COG5: variants seen among roughly 807,000 people sequenced by gnomAD.
The protein encoded by COG5 is component of oligomeric golgi complex 5.
In COG5, 86 loss-of-function variants were observed where a neutral mutation model predicts 110.4. That is an observed-to-expected ratio of 0.78 (90% CI 0.65 to 0.93). The LOEUF is 0.93. COG5 is among the 40% of genes least tolerant of loss of function. The pLI, the probability that COG5 is intolerant of heterozygous loss-of-function variation, is 0.00. For synonymous variants in COG5, 360 were observed against 334.6 expected (o/e 1.08, Z -0.83); for missense variants, 1,077 against 987.0 (o/e 1.09, Z -1.22).
At chr7:107,417,397 G>A (rs1026495593) in intron 6 of COG5, among the ~76,000 whole-genome samples, 14 of 151,872 alleles carry the variant, frequency 9.2e-5, no homozygotes, top group East Asian at 7.7e-4. Context: ...ACCCTAAGAC[G>A]GTCCTTATAA....
intron 6 of COG5, among the ~76,000 whole-genome samples, chr7:107,477,695 A>G (rs1797074304): frequency 6.6e-6 from 1 of 151,868 alleles, no homozygotes; most frequent in African/African-American, 2.4e-5. Flanking sequence ...TAAGTAGTAT[A>G]TAATATGTAA....
At chr7:107,224,794 G>A (rs1800200360) in intron 19 of COG5, among the ~76,000 whole-genome samples, 1 of 152,244 alleles carries the variant, frequency 6.6e-6, no homozygotes, top group South Asian at 2.1e-4. Context: ...TGGGTCTTGT[G>A]TAGAAATACA....
rs565418190 is a variant in COG5 at position 107,357,004 on chromosome 7, A to C, written c.1026+5029T>G. Among the ~76,000 whole-genome samples the C allele has an allele frequency of 9.9e-5, 15 of 152,268 alleles. No individual in the cohort carries two copies. The East Asian group carries it at 2.5e-3, about 25-fold the overall frequency. ...ATATATCACTCTTCAGTGACTCAAG[A>C]GATATATCGTTGTCTACTCAAGTTT... is the stretch of plus-strand genomic sequence containing the variant. On this transcript the variant is annotated intron_variant, in intron 10 of 21. Coordinates refer to ENST00000297135, the MANE Select transcript of COG5 (RefSeq NM_006348.5).
chr7:107,440,017 TA>T (rs1483381344), intron 6 of COG5, among the ~76,000 whole-genome samples: 1 of 152,172 alleles, frequency 6.6e-6, no homozygotes, highest in African/African-American at 2.4e-5. Flanking sequence ...ATTTCTTGAC[TA>T]ATATATCACT....
chr7:107,333,399 ATG>A (rs1810437844), intron 10 of COG5, among the ~76,000 whole-genome samples: 1 of 152,180 alleles, frequency 6.6e-6, no homozygotes, highest in African/African-American at 2.4e-5. Flanking sequence ...AACCCTATAC[ATG>A]TACAACCCTA....
intron 6 of COG5, among the ~76,000 whole-genome samples, chr7:107,512,408 A>C (rs1273127521): frequency 6.6e-6 from 1 of 152,258 alleles, no homozygotes; most frequent in Non-Finnish European, 1.5e-5. Context: ...GACACAAACA[A>C]ATGGAAGAAC....
At chr7:107,486,840 T>C (rs1797682668) in intron 6 of COG5, among the ~76,000 whole-genome samples, 1 of 152,140 alleles carries the variant, frequency 6.6e-6, no homozygotes, top group Non-Finnish European at 1.5e-5. Flanking sequence ...GTTTAATGCT[T>C]AACCATTCCC....
intron 11 of COG5, among the ~76,000 whole-genome samples, chr7:107,317,231 C>T (rs1204734033): frequency 6.6e-6 from 1 of 152,102 alleles, no homozygotes; most frequent in African/African-American, 2.4e-5. Context: ...ACTTTCCAGG[C>T]CATGGCACGG....
chr7:107,261,228 A>C (rs1314548625), intron 14 of COG5, among the ~76,000 whole-genome samples: 1 of 152,170 alleles, frequency 6.6e-6, no homozygotes. Context: ...AAAGTTACAA[A>C]AATAAAAACA....
intron 7 of COG5, among the ~76,000 whole-genome samples, chr7:107,411,806 G>C (rs1430169137): frequency 6.6e-6 from 1 of 152,060 alleles, no homozygotes; most frequent in Non-Finnish European, 1.5e-5. Context: ...TCCTGATTTA[G>C]AGGATATGAA....
chr7:107,221,010 T>G (rs1799886014), intron 19 of COG5, among the ~76,000 whole-genome samples: 4 of 151,894 alleles, frequency 2.6e-5, no homozygotes. Flanking sequence ...GAGATGGGGG[T>G]TTCACGATGT....
chr7:107,397,488 A>G (rs1791101066), intron 7 of COG5, among the ~76,000 whole-genome samples: 1 of 152,016 alleles, frequency 6.6e-6, no homozygotes, highest in East Asian at 2.0e-4. Context: ...CAGCACCATC[A>G]TTGATTGAAA....
chr7:107,446,999 C>A (rs902102105), intron 6 of COG5, among the ~76,000 whole-genome samples: 1 of 152,184 alleles, frequency 6.6e-6, no homozygotes, highest in Non-Finnish European at 1.5e-5. Flanking sequence ...AACCTGAAAT[C>A]AAGGTATTGG....
chr7:107,479,763 G>GT (rs773072913), intron 6 of COG5, among the ~76,000 whole-genome samples: 17 of 152,048 alleles, frequency 1.1e-4, no homozygotes, highest in Non-Finnish European at 2.4e-4. Context: ...TAATGTTCTA[G>GT]TTATTAGAAG....
chr7:107,396,097 C>T (rs889351028), intron 7 of COG5, among the ~76,000 whole-genome samples: 1 of 152,154 alleles, frequency 6.6e-6, no homozygotes, highest in Non-Finnish European at 1.5e-5. Context: ...TGTGCATATG[C>T]TCCATTATGT....
chr7:107,390,352 G>C (rs1790528810), intron 7 of COG5, among the ~76,000 whole-genome samples: 2 of 152,088 alleles, frequency 1.3e-5, no homozygotes, highest in African/African-American at 4.8e-5. Flanking sequence ...TTACGGCAAG[G>C]TATAGATAAA....
At chr7:107,255,303 A>G (rs1366624402) in intron 16 of COG5, among the ~76,000 whole-genome samples, 3 of 152,146 alleles carry the variant, frequency 2.0e-5, no homozygotes, top group Non-Finnish European at 4.4e-5. Flanking sequence ...TTTAAAGCAC[A>G]TTAGGGGAAA....
chr7:107,262,937 C>A (rs868213759), intron 14 of COG5, among the ~76,000 whole-genome samples: 13 of 152,004 alleles, frequency 8.6e-5, no homozygotes, highest in Middle Eastern at 6.3e-3. Flanking sequence ...ATGGTAATAC[C>A]ACATATTTCT....
rs969483281 is a variant in COG5 at position 107,259,719 on chromosome 7, A to C, written c.1576-1336T>G. On this transcript the variant is annotated intron_variant, in intron 14 of 21. Coordinates refer to ENST00000297135, the MANE Select transcript of COG5 (RefSeq NM_006348.5). ...AGATTCTCTTCAATCAATTTTGAAG[A>C]ACAAAGAAATGGGAAAGGGGAAGAA... 3.9e-5 allele frequency among the ~76,000 whole-genome samples: 6 copies of C among 152,184 alleles called. No individual in the cohort carries two copies. In the East Asian group the frequency reaches 1.2e-3, roughly 29 times the overall value.
Sources: allele counts gnomAD v4.1 joint callset (sites outside exome capture counted in the v4.1 genomes callset), GRCh38; gene constraint gnomAD v4.1.1; transcripts MANE v1.5; gene names NCBI Gene and HGNC (gene_info 2026-07-23, HGNC 2026-07-21).